HS3ST4: variants seen among roughly 807,000 people sequenced by gnomAD.
The protein encoded by HS3ST4 is heparan sulfate-glucosamine 3-sulfotransferase 4.
HS3ST4 carries 17 observed loss-of-function variants against 29.2 expected under a neutral mutation model. The observed-to-expected ratio is 0.58, with a 90% confidence interval of 0.40 to 0.87. HS3ST4 has a LOEUF of 0.87. Among genes scored for constraint, HS3ST4 ranks in the 40% least tolerant of loss-of-function variants. The pLI, the probability that HS3ST4 is intolerant of heterozygous loss-of-function variation, is 0.00. For synonymous variants in HS3ST4, 314 were observed against 285.7 expected (o/e 1.10, Z -1.00); for missense variants, 627 against 634.5 (o/e 0.99, Z 0.13).
At chr16:25,738,426 T>A (rs1464605523) in intron 1 of HS3ST4, among the ~76,000 whole-genome samples, 1 of 152,206 alleles carries the variant, frequency 6.6e-6, no homozygotes. Context: ...ATCCTAGTTC[T>A]CCCTTTTGAT....
At chr16:25,885,600 C>T (rs1967941310) in intron 1 of HS3ST4, among the ~76,000 whole-genome samples, 1 of 152,078 alleles carries the variant, frequency 6.6e-6, no homozygotes, top group African/African-American at 2.4e-5. Context: ...CTACCTGTCC[C>T]CCAACCACAA....
At chr16:25,707,836 C>G (rs1034841643) in intron 1 of HS3ST4, among the ~76,000 whole-genome samples, 1 of 152,220 alleles carries the variant, frequency 6.6e-6, no homozygotes, top group Non-Finnish European at 1.5e-5. Flanking sequence ...TAGATAATTG[C>G]ATGTCTTATG....
chr16:25,919,343 A>G (rs535510651), intron 1 of HS3ST4, among the ~76,000 whole-genome samples: 2 of 152,338 alleles, frequency 1.3e-5, no homozygotes, highest in Middle Eastern at 6.8e-3. Flanking sequence ...AATACATTTT[A>G]GAAGTTACCG....
chr16:26,092,615 A>G (rs1239661004), intron 1 of HS3ST4, among the ~76,000 whole-genome samples: 1 of 152,176 alleles, frequency 6.6e-6, no homozygotes, highest in African/African-American at 2.4e-5. Flanking sequence ...AGACATAAGG[A>G]GATCCGTTCC....
intron 1 of HS3ST4, among the ~76,000 whole-genome samples, chr16:26,134,362 C>CTTTTCTTTTCTTTTCTTT (rs750289979): frequency 5.2e-5 from 4 of 76,810 alleles, no homozygotes; most frequent in African/African-American, 1.9e-4. Context: ...CTTTTCTTTT[C>CTTTTCTTTTCTTTTCTTT]TTTTTTTTTT....
intron 1 of HS3ST4, among the ~76,000 whole-genome samples, chr16:26,058,563 G>A (rs544717278): frequency 6.7e-4 from 102 of 152,240 alleles, no homozygotes; most frequent in African/African-American, 2.4e-3. Flanking sequence ...GCTCTCTCCT[G>A]CCTCATGATT....
At chr16:25,829,341 C>T (rs2141638613) in intron 1 of HS3ST4, among the ~76,000 whole-genome samples, 1 of 152,362 alleles carries the variant, frequency 6.6e-6, no homozygotes, top group South Asian at 2.1e-4. Context: ...CACTTCATTT[C>T]TATCAGGGCA....
chr16:25,949,657 T>C (rs1596623498), intron 1 of HS3ST4, among the ~76,000 whole-genome samples: 1 of 151,808 alleles, frequency 6.6e-6, no homozygotes, highest in South Asian at 2.1e-4. Context: ...AGGTGAGGGG[T>C]CAGTGAATGA....
At chr16:26,044,824 T>C (rs1898245703) in intron 1 of HS3ST4, among the ~76,000 whole-genome samples, 1 of 152,224 alleles carries the variant, frequency 6.6e-6, no homozygotes, top group African/African-American at 2.4e-5. Context: ...CAATCATCCA[T>C]GTCCCATTGA....
intron 1 of HS3ST4, among the ~76,000 whole-genome samples, chr16:26,070,417 C>A (rs985779684): frequency 6.6e-6 from 1 of 152,178 alleles, no homozygotes; most frequent in Non-Finnish European, 1.5e-5. Flanking sequence ...GACGTCAGAA[C>A]AAGCCTAGCT....
rs1391493736 is a variant in HS3ST4 at position 25,941,384 on chromosome 16, C to T, written c.735-194228C>T. 2.0e-5 allele frequency among the ~76,000 whole-genome samples: 3 copies of T among 151,568 alleles called. No homozygotes were observed. In the East Asian group the frequency reaches 5.8e-4, roughly 29 times the overall value. On this transcript the variant is annotated intron_variant, in intron 1 of 1. Transcript: ENST00000331351. ...ATGTTGGTCAGGCTGGTCTTGAACT[C>T]CCACCTCAGGTGATCTGCCCCACCT...
intron 1 of HS3ST4, among the ~76,000 whole-genome samples, chr16:25,770,913 G>T (rs1319923437): frequency 6.6e-6 from 1 of 152,072 alleles, no homozygotes; most frequent in Non-Finnish European, 1.5e-5. Flanking sequence ...TATACACATT[G>T]TCACTTTGGG....
intron 1 of HS3ST4, among the ~76,000 whole-genome samples, chr16:25,957,846 T>C (rs1445139567): frequency 6.6e-6 from 1 of 152,158 alleles, no homozygotes; most frequent in Non-Finnish European, 1.5e-5. Flanking sequence ...TACAGGTAGA[T>C]GTGGAGACAG....
chr16:26,011,521 C>T (rs185927504), intron 1 of HS3ST4, among the ~76,000 whole-genome samples: 39 of 152,248 alleles, frequency 2.6e-4, no homozygotes, highest in African/African-American at 9.1e-4. Context: ...GATCGTGCCA[C>T]TGCATGCCAG....
At chr16:26,134,362 C>CTTTT (rs60068546) in intron 1 of HS3ST4, among the ~76,000 whole-genome samples, 2,072 of 75,430 alleles carry the variant, frequency 0.027, 18 homozygotes, top group African/African-American at 0.04. Flanking sequence ...CTTTTCTTTT[C>CTTTT]TTTTTTTTTT....
chr16:26,079,435 T>C (rs1340397503), intron 1 of HS3ST4, among the ~76,000 whole-genome samples: 1 of 152,222 alleles, frequency 6.6e-6, no homozygotes, highest in Non-Finnish European at 1.5e-5. Flanking sequence ...CTGGAAGCCC[T>C]GTAGCTTCCC....
intron 1 of HS3ST4, among the ~76,000 whole-genome samples, chr16:25,819,051 A>T (rs1967122202): frequency 6.6e-6 from 1 of 152,116 alleles, no homozygotes; most frequent in Admixed American, 6.5e-5. Context: ...GAAGAAAGGG[A>T]GTCAGAAGGG....
intron 1 of HS3ST4, among the ~76,000 whole-genome samples, chr16:25,856,960 A>C (rs1967579310): frequency 6.6e-6 from 1 of 152,152 alleles, no homozygotes; most frequent in Non-Finnish European, 1.5e-5. Context: ...AATGTGGGTA[A>C]ACTTGACACC....
rs1555470002 is a variant in HS3ST4, at chr16:25,873,417, C to CCACCCATCCATCCATTTGT, written c.734+180267_734+180268insACCCATCCATCCATTTGTC. 6.4e-3 allele frequency among the ~76,000 whole-genome samples: 666 copies of CCACCCATCCATCCATTTGT among 103,270 alleles called. 13 individuals are homozygous for CCACCCATCCATCCATTTGT. The highest frequency in any genetic ancestry group is 0.024 in the African/African-American group (636 of 26,198). 67.7% of individuals were successfully genotyped at this position (103,270 alleles called of 152,430 possible). On this transcript the variant is annotated intron_variant, in intron 1 of 1. Coordinates refer to ENST00000331351, the MANE Select transcript of HS3ST4 (RefSeq NM_006040.3). ...ATCCATCCATCCATCCATCCATCCA[C>CCACCCATCCATCCATTTGT]CCATCCATCCATTAATCCATCCATC...
Sources: gnomAD v4.1 joint callset for allele counts (sites outside exome capture counted in the v4.1 genomes callset) on GRCh38, gnomAD v4.1.1 for gene constraint, MANE v1.5 for transcripts, NCBI Gene and HGNC (gene_info 2026-07-23, HGNC 2026-07-21) for gene names.